The following DMXL1 variants were observed in gnomAD, a reference collection of about 807,000 sequenced individuals.
The protein encoded by DMXL1 is Dmx like 1, also known as dmX-like protein 1.
In DMXL1, 99 loss-of-function variants were observed where a neutral mutation model predicts 319.2. The ratio of observed to expected loss-of-function variants is 0.31; its 90% CI spans 0.26 to 0.37. The LOEUF (loss-of-function observed/expected upper bound fraction) is 0.37. DMXL1 is among the 10% of genes least tolerant of loss of function. DMXL1 has a pLI of 1.00. For synonymous variants in DMXL1, 1,385 were observed against 1,235.2 expected (o/e 1.12, Z -2.54); for missense variants, 3,745 against 3,595.6 (o/e 1.04, Z -1.06).
chr5:119,190,722 A>T (rs1337930012), intron 29 of DMXL1, among the ~76,000 whole-genome samples: 2 of 152,238 alleles, frequency 1.3e-5, no homozygotes, highest in Non-Finnish European at 1.5e-5. Flanking sequence ...AAGACTCTAG[A>T]TGAACAGCCA....
intron 9 of DMXL1, among the ~76,000 whole-genome samples, chr5:119,122,070 G>T (rs1762219513): frequency 6.9e-6 from 1 of 144,902 alleles, no homozygotes; most frequent in Non-Finnish European, 1.5e-5. Context: ...CGGTCGGGGC[G>T]GCTGGCCGGG....
intron 19 of DMXL1, among the ~76,000 whole-genome samples, chr5:119,154,372 G>A (rs545436416): frequency 6.6e-6 from 1 of 152,318 alleles, no homozygotes; most frequent in East Asian, 1.9e-4. Context: ...GAAACTAAAC[G>A]TTCTCCATTG....
intron 14 of DMXL1, 37 bp from the exon 15 acceptor site, chr5:119,144,499 C>G (rs1768095229): frequency 2.8e-6 from 4 of 1,406,406 alleles, no homozygotes; most frequent in Non-Finnish European, 3.0e-6. Context: ...GTAAATAACA[C>G]ATAGGTCAAC....
At chr5:119,124,123 A>G (rs971578124) in intron 9 of DMXL1, among the ~76,000 whole-genome samples, 1 of 151,660 alleles carries the variant, frequency 6.6e-6, no homozygotes, top group African/African-American at 2.4e-5. Flanking sequence ...AGCCTGGCTA[A>G]CATGGTAAAA....
chr5:119,149,525 G>C lies in DMXL1; in HGVS notation c.3698G>C (p.Cys1233Ser). The C allele has an allele frequency of 1.2e-6, 2 of 1,613,940 alleles. No homozygotes were observed. Among genetic ancestry groups the C allele is most frequent in the Non-Finnish European group, 1.7e-6 (2 of 1,179,916 alleles). ...RDGILVVGMD[C>S]EMHVYCQWQP... is the part of the protein sequence containing the mutation. ...GGCATCCTTGTGGTAGGAATGGACTGTGAAATGCATGTGTATTGCCAATGG... is the reference window on the plus strand; with the variant it reads ...GGCATCCTTGTGGTAGGAATGGACTCTGAAATGCATGTGTATTGCCAATGG... Residue 1233 changes from cysteine to serine, a missense_variant, in exon 18 of 44, where the codon TGT becomes TCT. Around this residue, in one of 4 missense-constraint regions of DMXL1, gnomAD observed 2,096 missense variants for 1,985.4 expected, o/e 1.06. Transcript: ENST00000539542.
intron 38 of DMXL1, among the ~76,000 whole-genome samples, chr5:119,225,322 A>G (rs190175413): frequency 9.9e-5 from 15 of 152,162 alleles, no homozygotes; most frequent in Non-Finnish European, 1.3e-4. Flanking sequence ...TTTTCAGTTA[A>G]TCTTCCTAGG....
intron 2 of DMXL1, among the ~76,000 whole-genome samples, chr5:119,098,465 C>G (rs906152951): frequency 6.8e-6 from 1 of 146,954 alleles, no homozygotes; most frequent in Non-Finnish European, 1.5e-5. Flanking sequence ...TTTTTTTTGT[C>G]TGTGAACAGG....
chr5:119,143,701 A>G (rs1767911969), intron 13 of DMXL1, 140 bp from the exon 14 acceptor site: 2 of 472,678 alleles, frequency 4.2e-6, no homozygotes, highest in Admixed American at 8.0e-5. Context: ...AAAGACCTAG[A>G]ATTTTTATAG....
intron 19 of DMXL1, among the ~76,000 whole-genome samples, chr5:119,162,099 G>A (rs1581095945): frequency 1.3e-5 from 2 of 152,164 alleles, no homozygotes; most frequent in Admixed American, 1.3e-4. Flanking sequence ...TTTTTCCACT[G>A]TACAAACTGT....
rs1773017261 is a variant in DMXL1, at chr5:119,164,577, A to G, written c.4773A>G (p.Pro1591=). 6.2e-7 allele frequency: 1 copy of G among 1,614,076 alleles called. No homozygotes were observed. The highest frequency in any genetic ancestry group is 1.3e-5 in the African/African-American group (1 of 74,946). The change falls in exon 20 of 44, where the codon CCA becomes CCG. Residue 1591 remains proline (P), a synonymous_variant. Transcript: ENST00000539542. The part of the protein sequence containing the change: ...VAEEELLNML[P]AMQKDDPTWS... ...AAGAAGAACTGCTGAACATGTTGCCAGCCATGCAGAAAGATGATCCCACTT... is the reference window on the plus strand; with the variant it reads ...AAGAAGAACTGCTGAACATGTTGCCGGCCATGCAGAAAGATGATCCCACTT...
In DMXL1 at chr5:119,202,882, TTTTTA is replaced by T. The variant is rs1780998840; in HGVS notation, c.7746-435_7746-431del. On this transcript the variant is annotated intron_variant, in intron 32 of 43. Coordinates refer to ENST00000539542, the MANE Select transcript of DMXL1 (RefSeq NM_001290321.3). ...ATACATACATATATATATATATATATTTTTATATATATATATATATATATTTATAT... is the reference window on the plus strand; with the variant it reads ...ATACATACATATATATATATATATATTATATATATATATATATATTTATAT... 2.7e-5 allele frequency among the ~76,000 whole-genome samples: 3 copies of T among 110,924 alleles called. No homozygotes were observed. In the South Asian group the frequency reaches 7.8e-4, roughly 29 times the overall value. The allele number at this position is 110,924 out of a possible 152,430, so 72.8% of individuals were successfully genotyped here. A position where few individuals can be genotyped will look rare whatever the true frequency, so the allele number is the denominator to read the frequency against.
At chr5:119,164,380 T>G (rs992622282) in intron 19 of DMXL1, 127 bp from the exon 20 acceptor site, 12 of 833,190 alleles carry the variant, frequency 1.4e-5, no homozygotes, top group Non-Finnish European at 2.1e-5. Context: ...AGCCCATATT[T>G]CCAATCTTAA....
intron 35 of DMXL1, among the ~76,000 whole-genome samples, chr5:119,217,787 T>A (rs1783944038): frequency 6.6e-6 from 1 of 152,182 alleles, no homozygotes; most frequent in African/African-American, 2.4e-5. Context: ...AAGTGTGATA[T>A]ACGGGGAAAT....
At chr5:119,103,758 G>A (rs1159812283) in intron 3 of DMXL1, among the ~76,000 whole-genome samples, 2 of 152,100 alleles carry the variant, frequency 1.3e-5, no homozygotes, top group East Asian at 3.8e-4. Flanking sequence ...GCCCAGAACA[G>A]TGTATTTCAG....
intron 34 of DMXL1, among the ~76,000 whole-genome samples, chr5:119,208,912 A>G (rs1782251377): frequency 1.3e-5 from 2 of 152,268 alleles, no homozygotes; most frequent in South Asian, 4.1e-4. Context: ...CCTGGTGTTA[A>G]AGATTCATTT....
chr5:119,106,454 CAG>C (rs1758368465), intron 4 of DMXL1, among the ~76,000 whole-genome samples: 1 of 151,926 alleles, frequency 6.6e-6, no homozygotes, highest in African/African-American at 2.4e-5. Flanking sequence ...AGGGAAGGCA[CAG>C]AGAGAGAAAG....
chr5:119,112,922 C>G (rs1326333858), intron 5 of DMXL1, among the ~76,000 whole-genome samples: 1 of 152,036 alleles, frequency 6.6e-6, no homozygotes, highest in Admixed American at 6.6e-5. Flanking sequence ...CACCACTGCA[C>G]TCCAGCCTGG....
chr5:119,194,099 G>C, intron 30 of DMXL1, 129 bp downstream of exon 30: 1 of 589,674 alleles, frequency 1.7e-6, no homozygotes, highest in Admixed American at 3.9e-5. Flanking sequence ...GATTTCTTTA[G>C]TTGAAATTGT....
chr5:119,100,438 A>T (rs1205159765), intron 2 of DMXL1, among the ~76,000 whole-genome samples: 1 of 139,674 alleles, frequency 7.2e-6, no homozygotes. Flanking sequence ...TCCGTCTCAT[A>T]AAAAAAAAAA....
Sources: gnomAD v4.1 joint callset for allele counts (sites outside exome capture counted in the v4.1 genomes callset) on GRCh38, gnomAD v4.1.1 for gene constraint, gnomAD v4.1.1 regional missense constraint, MANE v1.5 for transcripts, NCBI Gene and HGNC (gene_info 2026-07-23, HGNC 2026-07-21) for gene names.